SREBF2: variants seen among roughly 807,000 people sequenced by gnomAD.
SREBF2 encodes the protein sterol regulatory element-binding protein 2.
In SREBF2, 55 loss-of-function variants were observed where a neutral mutation model predicts 113.1. The observed-to-expected ratio is 0.49, with a 90% CI of 0.39 to 0.61. SREBF2 has a LOEUF of 0.61. SREBF2 is among the 20% of genes least tolerant of loss of function. SREBF2 has a pLI of 0.00. For synonymous variants in SREBF2, 593 were observed against 605.7 expected, an observed-to-expected ratio of 0.98 and a Z score of 0.31; for missense variants, 1,349 against 1,487.4, an observed-to-expected ratio of 0.91 and a Z score of 1.53.
intron 1 of SREBF2, among the ~76,000 whole-genome samples, chr22:41,841,906 G>T (rs570998587): frequency 6.6e-6 from 1 of 152,156 alleles, no homozygotes; most frequent in African/African-American, 2.4e-5. Context: ...CTGTGTACCT[G>T]TTGAACATTT....
chr22:41,847,446 G>A (rs1041216428), intron 1 of SREBF2, among the ~76,000 whole-genome samples: 4 of 152,156 alleles, frequency 2.6e-5, no homozygotes, highest in African/African-American at 9.7e-5. Context: ...TGAAGAGCTG[G>A]GAGATACAGG....
chr22:41,893,704 G>A (rs2077385538), intron 12 of SREBF2, among the ~76,000 whole-genome samples: 1 of 152,130 alleles, frequency 6.6e-6, no homozygotes, highest in Non-Finnish European at 1.5e-5. Flanking sequence ...GGAGAGTTTG[G>A]GAACAATAGG....
intron 10 of SREBF2, among the ~76,000 whole-genome samples, chr22:41,881,457 T>C (rs138359605): frequency 9.9e-4 from 151 of 152,012 alleles, no homozygotes; most frequent in Non-Finnish European, 1.8e-3. Flanking sequence ...TGGGAGGGAG[T>C]GGGTACCCGT....
intron 5 of SREBF2, 38 bp from the exon 6 acceptor site, chr22:41,875,299 A>T: frequency 6.5e-7 from 1 of 1,549,982 alleles, no homozygotes; most frequent in Non-Finnish European, 8.9e-7. Flanking sequence ...TGTAGCCTGC[A>T]CTGGTCTCAC....
intron 16 of SREBF2, among the ~76,000 whole-genome samples, chr22:41,902,729 CT>C (rs1440129849): frequency 1.3e-5 from 2 of 152,232 alleles, no homozygotes; most frequent in African/African-American, 4.8e-5. Flanking sequence ...CTGTCAGAGC[CT>C]TGCTTTCTCA....
Position 41,898,734 on chromosome 22 carries a change from T to A in SREBF2, c.2691T>A (p.Ser897=). 1 of 1,614,130 alleles carries A rather than the reference T, an allele frequency of 6.2e-7. No homozygotes were observed. Among genetic ancestry groups the A allele is most frequent in the Non-Finnish European group, 8.5e-7 (1 of 1,180,020 alleles). ...WLQGDDAAVR[S]HFTKVERIPK... is the part of the protein sequence containing the mutation. ...AGGGAGACGATGCAGCTGTGCGCTC[T>A]CATTTTACCAAAGTGGAACGCATCC... The change falls in exon 15 of 19, where the codon TCT becomes TCA. Residue 897 remains serine (S), a synonymous_variant. Transcript: ENST00000361204.
At chr22:41,840,071 G>A (rs1423212606) in intron 1 of SREBF2, among the ~76,000 whole-genome samples, 1 of 147,492 alleles carries the variant, frequency 6.8e-6, no homozygotes, top group Non-Finnish European at 1.5e-5. Flanking sequence ...GCAGTTCTCT[G>A]CCTCAGCCTC....
chr22:41,893,401 CGTTTGTTT>C (rs150115715), intron 12 of SREBF2, 116 bp downstream of exon 12: 29,045 of 1,131,786 alleles, frequency 0.026, 605 homozygotes, highest in Admixed American at 0.034. Flanking sequence ...TTGTTGAGTC[CGTTTGTTT>C]GTTTGTTTGT....
At chr22:41,905,337 C>G in intron 18 of SREBF2, 103 bp from the exon 19 acceptor site, 1 of 1,162,308 alleles carries the variant, frequency 8.6e-7, no homozygotes, top group Non-Finnish European at 1.2e-6. Context: ...CCCCACCTCC[C>G]AGGATGGATG....
chr22:41,857,559 A>T (rs1290142046), intron 1 of SREBF2, among the ~76,000 whole-genome samples: 1 of 152,202 alleles, frequency 6.6e-6, no homozygotes, highest in East Asian at 1.9e-4. Context: ...CTTTGTGTGT[A>T]TTACAAAACA....
chr22:41,893,177 T>C lies in SREBF2; in HGVS notation c.2269T>C (p.Ser757Pro). The C allele has an allele frequency of 3.7e-6, 6 of 1,614,100 alleles. No homozygotes were observed. The highest frequency in any genetic ancestry group is 5.1e-6 in the Non-Finnish European group (6 of 1,180,034). Reference protein sequence around the residue: ...CGPEHSAVPDSLRWLCHPLGQ... With the variant: ...CGPEHSAVPDPLRWLCHPLGQ... ...CCCCGAGCACAGTGCTGTTCCTGAC[T>C]CCCTGCGCTGGCTCTGCCACCCCCT... Residue 757 changes from serine (S) to proline (P), a missense_variant, in exon 12 of 19, where the codon TCC (serine) becomes CCC (proline). Around this residue, in one of 2 missense-constraint regions of SREBF2, gnomAD observed 650 missense variants for 644.1 expected, o/e 1.01. Coordinates refer to ENST00000361204, the MANE Select transcript of SREBF2 (RefSeq NM_004599.4).
At chr22:41,844,527 G>A (rs2076859603) in intron 1 of SREBF2, among the ~76,000 whole-genome samples, 1 of 152,256 alleles carries the variant, frequency 6.6e-6, no homozygotes, top group Non-Finnish European at 1.5e-5. Flanking sequence ...TGTGCCTTAA[G>A]GTAAGGCTCC....
chr22:41,880,349 C>A lies in SREBF2; in HGVS notation c.1762-367C>A, dbSNP rs551553341. ...GGTAGATCACTTGAGGTCAGGAGTT[C>A]GAGACCAGCCTGACCAACATGGTGA... On this transcript the variant is annotated intron_variant, in intron 9 of 18. Coordinates refer to ENST00000361204, the MANE Select transcript of SREBF2 (RefSeq NM_004599.4). Among the ~76,000 whole-genome samples the A allele has an allele frequency of 1.5e-3, 223 of 145,266 alleles. 1 individual carries two copies. Among genetic ancestry groups the A allele is most frequent in the African/African-American group, 5.5e-3 (212 of 38,834 alleles).
At chr22:41,858,207 A>C (rs1000890388) in intron 1 of SREBF2, among the ~76,000 whole-genome samples, 1 of 152,220 alleles carries the variant, frequency 6.6e-6, no homozygotes, top group Admixed American at 6.5e-5. Context: ...TGGCCTACAC[A>C]CATCACACAC....
intron 1 of SREBF2, among the ~76,000 whole-genome samples, chr22:41,862,195 G>T (rs1214989280): frequency 2.0e-5 from 3 of 152,152 alleles, no homozygotes; most frequent in African/African-American, 7.2e-5. Flanking sequence ...TGAGCAAAGT[G>T]ATATTTATGT....
At chr22:41,837,601 A>G (rs1228893445) in intron 1 of SREBF2, among the ~76,000 whole-genome samples, 3 of 143,622 alleles carry the variant, frequency 2.1e-5, no homozygotes, top group African/African-American at 2.6e-5. Context: ...GCTCACACCT[A>G]TAATCCCAGC....
intron 11 of SREBF2, among the ~76,000 whole-genome samples, chr22:41,892,130 G>A (rs952752624): frequency 2.4e-4 from 37 of 152,168 alleles, no homozygotes; most frequent in Non-Finnish European, 1.3e-4. Flanking sequence ...TGCAGGGCCA[G>A]CTTTGTGGGG....
At chr22:41,875,241 C>A in intron 5 of SREBF2, 96 bp from the exon 6 acceptor site, 3 of 1,029,852 alleles carry the variant, frequency 2.9e-6, no homozygotes, top group South Asian at 1.3e-5. Flanking sequence ...TCTCCTCTCA[C>A]AGAGCCATGC....
intron 1 of SREBF2, among the ~76,000 whole-genome samples, chr22:41,864,572 G>A (rs911498770): frequency 1.3e-5 from 2 of 151,650 alleles, no homozygotes; most frequent in Non-Finnish European, 2.9e-5. Context: ...CGCACGCCTT[G>A]GCCTCCCAAA....
Sources: gnomAD v4.1 joint callset for allele counts (sites outside exome capture counted in the v4.1 genomes callset) on GRCh38, gnomAD v4.1.1 for gene constraint, gnomAD v4.1.1 regional missense constraint, MANE v1.5 for transcripts, NCBI Gene and HGNC (gene_info 2026-07-23, HGNC 2026-07-21) for gene names.